Variants in CTIF observed in about 807,000 individuals in gnomAD.
The protein encoded by CTIF is CBP80/20-dependent translation initiation factor.
In CTIF, 21 loss-of-function variants were observed where a neutral mutation model predicts 66.0. The ratio of observed to expected loss-of-function variants is 0.32; its 90% CI spans 0.23 to 0.46. The LOEUF (loss-of-function observed/expected upper bound fraction) is 0.46. Among genes scored for constraint, CTIF ranks in the 20% least tolerant of loss-of-function variants. The pLI, the probability that CTIF is intolerant of heterozygous loss-of-function variation, is 1.00. For synonymous variants in CTIF, 345 were observed against 326.4 expected (o/e 1.06, Z -0.62); for missense variants, 739 against 812.7 (o/e 0.91, Z 1.10).
chr18:48,852,233 T>TAAAAAAAAAAAAA (rs10591389), intron 10 of CTIF, among the ~76,000 whole-genome samples: 1 of 66,596 alleles, frequency 1.5e-5, no homozygotes, highest in Non-Finnish European at 2.8e-5. Context: ...GACCCTGTCT[T>TAAAAAAAAAAAAA]AAAAAAAAAA....
In CTIF at chr18:48,732,243, C is replaced by T. The variant is rs2092463135; in HGVS notation, c.584+20548C>T. ...CTGCAGAAGGCCTTGCCAGAGGCTG[C>T]CACGGGAGACCTCAGGATTCGGGGT... On this transcript the variant is annotated intron_variant, in intron 7 of 11. Transcript: ENST00000256413. 3.9e-5 allele frequency among the ~76,000 whole-genome samples: 6 copies of T among 152,222 alleles called. No homozygotes were observed. The South Asian group carries it at 1.0e-3, about 26-fold the overall frequency.
intron 5 of CTIF, among the ~76,000 whole-genome samples, chr18:48,666,741 C>T (rs141700230): frequency 5.4e-4 from 82 of 152,310 alleles, no homozygotes; most frequent in African/African-American, 1.9e-3. Context: ...GCAAGGCTCC[C>T]GACCCTACCT....
intron 1 of CTIF, chr18:48,568,442 C>T (rs1437685981): frequency 6.6e-6 from 1 of 151,946 alleles, no homozygotes; most frequent in East Asian, 1.9e-4. Flanking sequence ...AGGGCCCTGA[C>T]AGGCACTCCT....
intron 3 of CTIF, among the ~76,000 whole-genome samples, chr18:48,646,267 T>C (rs62102954): frequency 6.6e-6 from 1 of 152,120 alleles, no homozygotes; most frequent in Non-Finnish European, 1.5e-5. Flanking sequence ...CATTTTTCAC[T>C]GAAGACGTTT....
chr18:48,804,789 C>A (rs2068111004), intron 9 of CTIF, among the ~76,000 whole-genome samples: 1 of 152,162 alleles, frequency 6.6e-6, no homozygotes. Flanking sequence ...CCCTTCCCTG[C>A]TTCTCCTCCT....
intron 10 of CTIF, among the ~76,000 whole-genome samples, chr18:48,841,453 C>T (rs1381545418): frequency 1.3e-5 from 2 of 152,238 alleles, no homozygotes; most frequent in Non-Finnish European, 2.9e-5. Context: ...AATTGAGTGG[C>T]TGGACTGTGG....
At chr18:48,708,282 C>T (rs1286089754) in intron 6 of CTIF, among the ~76,000 whole-genome samples, 1 of 152,184 alleles carries the variant, frequency 6.6e-6, no homozygotes, top group Non-Finnish European at 1.5e-5. Context: ...CAGACTTTCT[C>T]CTTTCTTCTG....
chr18:48,696,097 C>A (rs2092003787), intron 6 of CTIF, among the ~76,000 whole-genome samples: 1 of 152,280 alleles, frequency 6.6e-6, no homozygotes, highest in Non-Finnish European at 1.5e-5. Context: ...TTCCCCCTCT[C>A]CACTTCTTCC....
chr18:48,562,073 C>A (rs760336219), intron 1 of CTIF, among the ~76,000 whole-genome samples: 55 of 151,952 alleles, frequency 3.6e-4, no homozygotes, highest in Admixed American at 5.2e-4. Flanking sequence ...CACCCCTGAT[C>A]TAAAACAATG....
chr18:48,631,187 G>T (rs181167369), intron 2 of CTIF, among the ~76,000 whole-genome samples: 1 of 152,212 alleles, frequency 6.6e-6, no homozygotes. Flanking sequence ...AACACTGGCC[G>T]GGTGTGGTGG....
chr18:48,685,337 C>G (rs1381114069), intron 6 of CTIF, among the ~76,000 whole-genome samples: 1 of 152,114 alleles, frequency 6.6e-6, no homozygotes, highest in Non-Finnish European at 1.5e-5. Context: ...ATTCTCATGC[C>G]TCAGCCTCCT....
At chr18:48,554,409 A>ACCCAG (rs1284052279) in intron 1 of CTIF, among the ~76,000 whole-genome samples, 1 of 152,116 alleles carries the variant, frequency 6.6e-6, no homozygotes, top group Non-Finnish European at 1.5e-5. Flanking sequence ...CTGCCCCTGT[A>ACCCAG]CCCAGCGGCC....
intron 7 of CTIF, among the ~76,000 whole-genome samples, chr18:48,740,973 T>A (rs898060773): frequency 2.6e-5 from 4 of 152,224 alleles, no homozygotes; most frequent in African/African-American, 9.6e-5. Context: ...CTGGGGCAAG[T>A]TACTTCACTT....
chr18:48,839,827 G>A lies in CTIF; in HGVS notation c.1528-17761G>A, dbSNP rs542094844. Among the ~76,000 whole-genome samples, 73 of 148,940 alleles carry A rather than the reference G, an allele frequency of 4.9e-4. 1 individual carries two copies. Among genetic ancestry groups the A allele is most frequent in the South Asian group, 2.1e-3 (10 of 4,742 alleles). ...AGAAGTTGGACTTGTTGTGCTCCAA[G>A]GCTTTATGTCACTGGGGGGCTGCAT... is the stretch of plus-strand genomic sequence containing the variant. On this transcript the variant is annotated intron_variant, in intron 10 of 11. Coordinates refer to ENST00000256413, the MANE Select transcript of CTIF (RefSeq NM_014772.3).
At chr18:48,714,305 G>A (rs1431378358) in intron 7 of CTIF, among the ~76,000 whole-genome samples, 1 of 152,182 alleles carries the variant, frequency 6.6e-6, no homozygotes, top group Non-Finnish European at 1.5e-5. Flanking sequence ...ACGCATGGTG[G>A]CAAAGGGAGA....
At chr18:48,669,460 G>A (rs1392949931) in intron 5 of CTIF, among the ~76,000 whole-genome samples, 1 of 151,864 alleles carries the variant, frequency 6.6e-6, no homozygotes, top group Non-Finnish European at 1.5e-5. Context: ...GGGAGGAACT[G>A]TTACCATCTT....
chr18:48,603,495 G>GGATGGATGGATGGA lies in CTIF; in HGVS notation c.-28-16043_-28-16042insGATGGATGGATGGA, dbSNP rs1196797964. Among the ~76,000 whole-genome samples, 13 of 115,574 alleles carry GGATGGATGGATGGA rather than the reference G, an allele frequency of 1.1e-4. 2 individuals are homozygous for GGATGGATGGATGGA. The South Asian group carries it at 3.7e-3, about 33-fold the overall frequency. The allele number at this position is 115,574 out of a possible 152,430, so 75.8% of individuals were successfully genotyped here. A position where few individuals can be genotyped will look rare whatever the true frequency, so the allele number is the denominator to read the frequency against. On this transcript the variant is annotated intron_variant, in intron 1 of 11. Transcript: ENST00000256413. Reference sequence around the variant, plus strand: ...GCTAGATGGGTGGGTGGGTGGGTGGGTGGGTGGATGGATGGATGGATGGAT... The same window carrying GGATGGATGGATGGA: ...GCTAGATGGGTGGGTGGGTGGGTGGGGATGGATGGATGGATGGGTGGATGGATGGATGGATGGAT...
intron 1 of CTIF, among the ~76,000 whole-genome samples, chr18:48,582,830 G>A (rs2089689691): frequency 6.6e-6 from 1 of 152,198 alleles, no homozygotes. Context: ...AGAGACTTCA[G>A]CAATTGCCTG....
intron 9 of CTIF, among the ~76,000 whole-genome samples, chr18:48,769,934 G>A (rs992133087): frequency 1.3e-5 from 2 of 152,186 alleles, no homozygotes; most frequent in Admixed American, 1.3e-4. Flanking sequence ...ACCCAGGTGG[G>A]ATACCTCAAT....
Sources: gnomAD v4.1 joint callset for allele counts (sites outside exome capture counted in the v4.1 genomes callset) on GRCh38, gnomAD v4.1.1 for gene constraint, MANE v1.5 for transcripts, NCBI Gene and HGNC (gene_info 2026-07-23, HGNC 2026-07-21) for gene names.